Variants in NCAPD3 observed in about 807,000 individuals in gnomAD.
The protein encoded by NCAPD3 is non-SMC condensin II complex subunit D3, also known as condensin-2 complex subunit D3.
A neutral mutation model predicts 182.9 loss-of-function variants in NCAPD3; 105 were observed. That is an observed-to-expected ratio of 0.57 (90% CI 0.49 to 0.68). The LOEUF (loss-of-function observed/expected upper bound fraction) is 0.68, where lower values mean the gene tolerates loss of function less well. NCAPD3 is among the 30% of genes least tolerant of loss of function. The pLI is 0.00. For missense variants in NCAPD3, 1,944 were observed against 1,837.0 expected (o/e 1.06, Z -1.07); for synonymous variants, 815 against 679.9 (o/e 1.20, Z -3.09).
intron 27 of NCAPD3, among the ~76,000 whole-genome samples, chr11:134,166,092 G>A (rs1565524860): frequency 2.8e-5 from 1 of 36,310 alleles, no homozygotes; most frequent in African/African-American, 1.3e-4. Context: ...AGATGAGCTT[G>A]GGGGAGGGGC....
upstream of NCAPD3, chr11:134,224,993 G>A (rs1347656405): frequency 2.7e-6 from 2 of 748,280 alleles, no homozygotes; most frequent in Non-Finnish European, 1.8e-6. Context: ...CGGCAGCGGC[G>A]GAGCCAGGCA....
In NCAPD3 at chr11:134,194,780, G is replaced by A. The variant is rs12573858; in HGVS notation, c.1616-42C>T. 5.0e-6 allele frequency: 7 copies of A among 1,400,862 alleles called. No homozygotes were observed. The South Asian group carries it at 8.7e-5, about 17-fold the overall frequency. 86.8% of individuals were successfully genotyped at this position (1,400,862 alleles called of 1,614,324 possible). A position where few individuals can be genotyped will look rare whatever the true frequency, so the allele number is the denominator to read the frequency against. On this transcript the variant is annotated intron_variant, in intron 13 of 34. Transcript: ENST00000534548. ...AAAGGGTCATCACAGCTGGAGAAAA[G>A]TCACACAGCAGCTAACATTTCACCA...
At chr11:134,159,375 A>C (rs1202626598) in intron 29 of NCAPD3, among the ~76,000 whole-genome samples, 2 of 152,254 alleles carry the variant, frequency 1.3e-5, no homozygotes, top group Non-Finnish European at 2.9e-5. Flanking sequence ...CTTTGAAGCC[A>C]TATCAACCCT....
chr11:134,201,181 G>A (rs532470248), intron 13 of NCAPD3, among the ~76,000 whole-genome samples: 39 of 152,062 alleles, frequency 2.6e-4, no homozygotes, highest in African/African-American at 8.7e-4. Flanking sequence ...GTGCCACCAC[G>A]CCCAGCTAAT....
At chr11:134,187,827 T>C (rs573839287) in intron 16 of NCAPD3, among the ~76,000 whole-genome samples, 34 of 152,322 alleles carry the variant, frequency 2.2e-4, no homozygotes, top group African/African-American at 8.2e-4. Context: ...TGAACTATTC[T>C]GTGAATCTCC....
chr11:134,169,470 G>C (rs1233522468), intron 24 of NCAPD3, among the ~76,000 whole-genome samples: 1 of 152,194 alleles, frequency 6.6e-6, no homozygotes, highest in Admixed American at 6.5e-5. Flanking sequence ...CTTCAAGTTT[G>C]TTGCCCACAA....
At position 134,192,857 on chromosome 11, in the gene NCAPD3, G is replaced by A. The variant is rs147739086; in HGVS notation, c.1877C>T (p.Pro626Leu). 1.2e-5 allele frequency: 19 copies of A among 1,613,870 alleles called. No homozygotes were observed. The highest frequency in any genetic ancestry group is 5.3e-5 in the African/African-American group (4 of 74,896). ...AGTGCTCTCGCAGTCCATCACCACC[G>A]GGACCACCCCCCGCAACCAGGCTTT... ...IQKAWLRGVV[P>L]VVMDCESTVQ... is the part of the protein sequence containing the mutation. The change falls in exon 16 of 35, where the codon CCG becomes CTG. Residue 626 changes from proline (P) to leucine (L), a missense_variant. Physicochemically the swap from Pro to Leu is moderately conservative, Grantham distance 98. Coordinates refer to ENST00000534548, the MANE Select transcript of NCAPD3 (RefSeq NM_015261.3).
Position 134,220,744 on chromosome 11 carries a change from G to A in NCAPD3, c.65-18C>T. 1.9e-6 allele frequency: 3 copies of A among 1,608,204 alleles called. No homozygotes were observed. Among genetic ancestry groups the A allele is most frequent in the Non-Finnish European group, 2.6e-6 (3 of 1,175,222 alleles). On this transcript the variant is annotated intron_variant, in intron 1 of 34. Coordinates refer to ENST00000534548, the MANE Select transcript of NCAPD3 (RefSeq NM_015261.3). ...AACCCATTCTAGGGGAAAATGCAATGAAATGTGTAAGTACTCTGTAACAAG... is the reference window on the plus strand; with the variant it reads ...AACCCATTCTAGGGGAAAATGCAATAAAATGTGTAAGTACTCTGTAACAAG...
intron 26 of NCAPD3, 93 bp from the exon 27 acceptor site, chr11:134,168,288 G>T: frequency 1.4e-6 from 2 of 1,435,692 alleles, no homozygotes; most frequent in Non-Finnish European, 1.9e-6. Context: ...GGCCATCTGA[G>T]GCTGTCAGGG....
intron 16 of NCAPD3, among the ~76,000 whole-genome samples, chr11:134,186,356 C>A (rs1398854600): frequency 6.6e-6 from 1 of 151,984 alleles, no homozygotes; most frequent in Non-Finnish European, 1.5e-5. Flanking sequence ...GGTCACCATA[C>A]CTGGCTAATT....
chr11:134,155,666 G>A (rs1943399145), intron 32 of NCAPD3, among the ~76,000 whole-genome samples: 1 of 152,176 alleles, frequency 6.6e-6, no homozygotes, highest in African/African-American at 2.4e-5. Flanking sequence ...CAACGAAAAT[G>A]AGATGCGTTC....
intron 27 of NCAPD3, among the ~76,000 whole-genome samples, chr11:134,165,839 ACT>A (rs1443814054): frequency 1.9e-4 from 27 of 139,696 alleles, no homozygotes; most frequent in African/African-American, 6.5e-4. Flanking sequence ...GGAGGCGCAC[ACT>A]CGTGAGATGA....
intron 22 of NCAPD3, 123 bp downstream of exon 22, chr11:134,178,511 C>T: frequency 1.4e-6 from 1 of 716,172 alleles, no homozygotes; most frequent in Non-Finnish European, 2.2e-6. Context: ...CTAGGAACCA[C>T]ATGGCTGAGA....
Position 134,161,861 on chromosome 11 carries a change from T to A in NCAPD3, c.3604A>T (p.Ile1202Phe). 6.4e-7 allele frequency: 1 copy of A among 1,572,734 alleles called. No homozygotes were observed. The highest frequency in any genetic ancestry group is 1.1e-5 in the South Asian group (1 of 87,654). ...GTCTTCAGGGAGATGATAATTGGAA[T>A]AATATTTTCTATGAAATTCCTCTTC... The part of the protein sequence containing the change: ...VQKRNFIENI[I>F]PIIISLKTVL... The change falls in exon 28 of 35, where the codon ATT becomes TTT. Residue 1202 changes from isoleucine (I) to phenylalanine (F), a missense_variant. Ile to Phe is a conservative substitution (Grantham distance 21, BLOSUM62 0). Around this residue, in one of 3 missense-constraint regions of NCAPD3, gnomAD observed 1,803 missense variants for 1,674.6 expected, o/e 1.08. Transcript: ENST00000534548.
intron 2 of NCAPD3, among the ~76,000 whole-genome samples, chr11:134,219,637 C>T (rs1938155600): frequency 6.6e-6 from 1 of 152,066 alleles, no homozygotes; most frequent in East Asian, 1.9e-4. Context: ...ATCCAATTAG[C>T]TTTTGTTCTG....
At chr11:134,202,945 T>C (rs1211158801) in intron 12 of NCAPD3, 40 bp from the exon 13 acceptor site, 13 of 1,484,272 alleles carry the variant, frequency 8.8e-6, no homozygotes, top group Non-Finnish European at 1.1e-5. Flanking sequence ...TAAAAATGTG[T>C]TATACTTTTA....
chr11:134,174,631 A>C (rs1944114509), intron 24 of NCAPD3, among the ~76,000 whole-genome samples: 1 of 152,140 alleles, frequency 6.6e-6, no homozygotes, highest in Non-Finnish European at 1.5e-5. Flanking sequence ...TAGCACATAT[A>C]AAATTACAGG....
intron 22 of NCAPD3, 172 bp from the exon 23 acceptor site, chr11:134,177,629 C>T (rs920897860): frequency 8.3e-6 from 5 of 603,202 alleles, no homozygotes; most frequent in South Asian, 4.2e-5. Context: ...CTTGAATAGT[C>T]GAATAAAAAT....
rs1008575588 is a variant in NCAPD3 at position 134,151,388 on chromosome 11, C to G, written c.*1556G>C. 6.6e-6 allele frequency: 1 copy of G among 152,164 alleles called. No individual in the cohort carries two copies. The highest frequency in any genetic ancestry group is 2.1e-4 in the South Asian group (1 of 4,824). The allele number at this position is 152,164 out of a possible 1,614,324, so 9.4% of individuals were successfully genotyped here. On this transcript the variant is annotated 3_prime_UTR_variant, in exon 35 of 35. Coordinates refer to ENST00000534548, the MANE Select transcript of NCAPD3 (RefSeq NM_015261.3). ...ACCTTGGTAGAGAGGGATGGCTCCC[C>G]ACCCTCAGCGTTGGGGATTCACGCT... is the stretch of plus-strand genomic sequence containing the variant.
Sources: allele counts gnomAD v4.1 joint callset (sites outside exome capture counted in the v4.1 genomes callset), GRCh38; gene constraint gnomAD v4.1.1; regional missense constraint gnomAD v4.1.1; transcripts MANE v1.5; gene names NCBI Gene and HGNC (gene_info 2026-07-23, HGNC 2026-07-21).